COL24A1: variants seen among roughly 807,000 people sequenced by gnomAD.
COL24A1 encodes the protein collagen alpha-1(XXIV) chain.
Under a neutral mutation model 253.9 loss-of-function variants are expected in COL24A1, and 224 were observed. The observed-to-expected ratio is 0.88, with a 90% CI of 0.79 to 0.99. The LOEUF (loss-of-function observed/expected upper bound fraction) is 0.99. Ranked by LOEUF, COL24A1 falls within the 50% of genes least tolerant of loss-of-function variation. The pLI, the probability that COL24A1 is intolerant of heterozygous loss-of-function variation, is 0.00. For synonymous variants in COL24A1, 685 were observed against 673.7 expected, an observed-to-expected ratio of 1.02 and a Z score of -0.26; for missense variants, 2,131 against 2,068.5, an observed-to-expected ratio of 1.03 and a Z score of -0.59.
chr1:85,818,410 C>T (rs1279657975), intron 45 of COL24A1, among the ~76,000 whole-genome samples: 1 of 152,106 alleles, frequency 6.6e-6, no homozygotes, highest in Non-Finnish European at 1.5e-5. Flanking sequence ...TTTGAAAATG[C>T]TACATATTTA....
chr1:85,737,500 AT>A lies in COL24A1; in HGVS notation c.4677del (p.Lys1559AsnfsTer34), dbSNP rs766699062. 6.3e-7 allele frequency: 1 copy of A among 1,599,430 alleles called. No homozygotes were observed. Among genetic ancestry groups the A allele is most frequent in the Non-Finnish European group, 8.5e-7 (1 of 1,170,728 alleles). On this transcript the variant is annotated frameshift_variant, in exon 58 of 60. Coordinates refer to ENST00000370571, the MANE Select transcript of COL24A1 (RefSeq NM_152890.7). LOFTEE classifies it high-confidence loss of function. The stretch of plus-strand genomic sequence containing the variant: ...CAGCCAAGATTTGGGTCAATCCAGT[AT>A]TTTCCTAATAATTTATAGTAAAACA... ...LNCEQKVSDG[K>X]YWIDPNLGCP...
intron 8 of COL24A1, among the ~76,000 whole-genome samples, chr1:86,059,728 T>C (rs544277520): frequency 1.5e-4 from 23 of 152,296 alleles, no homozygotes; most frequent in African/African-American, 5.5e-4. Context: ...GGACTGAATG[T>C]TTGTGTGCCT....
rs1387634130 is a variant in COL24A1 at position 85,965,042 on chromosome 1, C to A, written c.2484G>T (p.Gly828=). The change falls in exon 23 of 60, where the codon GGG becomes GGT. Residue 828 remains glycine, a synonymous_variant. Transcript: ENST00000370571. ...CTTCTGGTCCTGGTTCACCTGCATA[C>A]CCCTTTTGACCTGGTTTTCCCTAGA... ...LGPRGKPGQK[G]YAGEPGPEGL... 3 of 1,610,696 alleles carry A rather than the reference C, an allele frequency of 1.9e-6. No homozygotes were observed. In the Admixed American group the frequency reaches 5.0e-5, roughly 27 times the overall value.
chr1:86,042,884 G>A (rs1299266087), intron 12 of COL24A1, among the ~76,000 whole-genome samples: 2 of 152,096 alleles, frequency 1.3e-5, no homozygotes, highest in Non-Finnish European at 2.9e-5. Context: ...TATAATATAA[G>A]TACTATTTTT....
intron 1 of COL24A1, among the ~76,000 whole-genome samples, chr1:86,153,246 T>C (rs1321106573): frequency 1.5e-5 from 2 of 135,886 alleles, no homozygotes; most frequent in Non-Finnish European, 3.2e-5. Flanking sequence ...GTGCCCCTCA[T>C]GTATATATCC....
At chr1:86,001,161 C>G (rs1695368434) in intron 19 of COL24A1, among the ~76,000 whole-genome samples, 1 of 152,162 alleles carries the variant, frequency 6.6e-6, no homozygotes, top group Admixed American at 6.5e-5. Flanking sequence ...ACAGCATATG[C>G]AAGTATCATC....
At chr1:85,806,407 T>C (rs1222458543) in intron 47 of COL24A1, among the ~76,000 whole-genome samples, 3 of 152,228 alleles carry the variant, frequency 2.0e-5, no homozygotes, top group African/African-American at 7.2e-5. Context: ...GCCAATGTTT[T>C]CTGTAAAAGG....
rs74902475 is a variant in COL24A1, at chr1:86,139,565, C to G, written c.121+6554G>C. ...GTTTAAAATACTTAAAAGAAAGTTA[C>G]CAATTTTTAGATAAAAAGGAGTAAT... On this transcript the variant is annotated intron_variant, in intron 2 of 59. Coordinates refer to ENST00000370571, the MANE Select transcript of COL24A1 (RefSeq NM_152890.7). 4.6e-3 allele frequency among the ~76,000 whole-genome samples: 707 copies of G among 152,124 alleles called. 10 individuals are homozygous for G. In the East Asian group the frequency reaches 0.049, roughly 10 times the overall value.
chr1:85,943,840 G>A (rs1688982021), intron 24 of COL24A1, among the ~76,000 whole-genome samples: 1 of 152,148 alleles, frequency 6.6e-6, no homozygotes, highest in Admixed American at 6.5e-5. Flanking sequence ...CCAATTTGCT[G>A]CGCTATGTAT....
chr1:86,027,486 C>T (rs540820941), intron 14 of COL24A1, among the ~76,000 whole-genome samples: 5 of 152,148 alleles, frequency 3.3e-5, no homozygotes, highest in Non-Finnish European at 5.9e-5. Context: ...GAGCTCAGGC[C>T]GGTGCTTCAG....
chr1:85,778,719 C>A (rs1668854616), intron 52 of COL24A1, among the ~76,000 whole-genome samples: 1 of 151,506 alleles, frequency 6.6e-6, no homozygotes, highest in Non-Finnish European at 1.5e-5. Flanking sequence ...ATTCTCCTGC[C>A]TCAGCCTCCC....
intron 24 of COL24A1, among the ~76,000 whole-genome samples, chr1:85,950,207 T>G (rs192294345): frequency 6.6e-6 from 1 of 152,210 alleles, no homozygotes; most frequent in Admixed American, 6.5e-5. Context: ...AGAATTTTTT[T>G]TAACTATTTA....
At chr1:85,816,413 G>C (rs1673042663) in intron 47 of COL24A1, among the ~76,000 whole-genome samples, 1 of 152,162 alleles carries the variant, frequency 6.6e-6, no homozygotes. Flanking sequence ...ATTTTTCACA[G>C]AACCTACCTT....
At chr1:85,897,656 T>C (rs1269068815) in intron 28 of COL24A1, among the ~76,000 whole-genome samples, 1 of 152,182 alleles carries the variant, frequency 6.6e-6, no homozygotes, top group Non-Finnish European at 1.5e-5. Flanking sequence ...TATAAGAAAA[T>C]GACAGAATAG....
chr1:85,834,713 ATGTTTCCATTTATACCTTTAAATAAAG>A (rs1169722978), intron 43 of COL24A1, among the ~76,000 whole-genome samples: 5 of 152,216 alleles, frequency 3.3e-5, no homozygotes, highest in East Asian at 1.9e-4. Flanking sequence ...TTGGCTATTT[ATGTTTCCATTTATACCTTTAAATAAAG>A]TGTTTCCATT....
intron 28 of COL24A1, among the ~76,000 whole-genome samples, chr1:85,901,824 CAAAAAAAAAAAAA>C (rs55862441): frequency 3.5e-5 from 2 of 57,786 alleles, no homozygotes; most frequent in Non-Finnish European, 5.9e-5. Context: ...GACTCCGTCT[CAAAAAAAAAAAAA>C]AAAAAAAAAA....
chr1:86,152,117 G>A (rs538613016), intron 1 of COL24A1, among the ~76,000 whole-genome samples: 1 of 152,242 alleles, frequency 6.6e-6, no homozygotes, highest in Admixed American at 6.5e-5. Context: ...CACAGCAGTG[G>A]ACATAAAGTT....
At chr1:85,823,311 C>T in intron 45 of COL24A1, among the ~76,000 whole-genome samples, 1 of 152,050 alleles carries the variant, frequency 6.6e-6, no homozygotes, top group East Asian at 1.9e-4. Context: ...CTAGAATAGG[C>T]TTCTGGAAAA....
At chr1:86,111,826 A>T (rs1705646238) in intron 5 of COL24A1, among the ~76,000 whole-genome samples, 1 of 152,124 alleles carries the variant, frequency 6.6e-6, no homozygotes, top group African/African-American at 2.4e-5. Flanking sequence ...GAACAACTCC[A>T]GATGCGCCGC....
Sources: allele counts gnomAD v4.1 joint callset (sites outside exome capture counted in the v4.1 genomes callset), GRCh38; gene constraint gnomAD v4.1.1; transcripts MANE v1.5; gene names NCBI Gene and HGNC (gene_info 2026-07-23, HGNC 2026-07-21).